TRAF3: variants seen among roughly 807,000 people sequenced by gnomAD.
TRAF3 encodes the protein TNF receptor-associated factor 3.
A neutral mutation model predicts 62.3 loss-of-function variants in TRAF3; 13 were observed. The ratio of observed to expected loss-of-function variants is 0.21; its 90% CI spans 0.14 to 0.33. The LOEUF is 0.33. Among genes scored for constraint, TRAF3 ranks in the 10% least tolerant of loss-of-function variants. The probability of loss-of-function intolerance (pLI) is 1.00; values close to 1 mark genes in which losing one functional copy is unlikely to be tolerated. For missense variants in TRAF3, 440 were observed against 741.8 expected (o/e 0.59, Z 4.73); for synonymous variants, 269 against 283.4 (o/e 0.95, Z 0.51).
intron 1 of TRAF3, among the ~76,000 whole-genome samples, chr14:102,820,191 A>C (rs1298744776): frequency 6.6e-6 from 1 of 152,092 alleles, no homozygotes; most frequent in African/African-American, 2.4e-5. Flanking sequence ...CAGAAGGGGC[A>C]CTGCATTGTG....
intron 9 of TRAF3, among the ~76,000 whole-genome samples, chr14:102,892,279 A>G (rs1299665303): frequency 6.6e-6 from 1 of 152,102 alleles, no homozygotes; most frequent in Non-Finnish European, 1.5e-5. Flanking sequence ...GCTGGTCTCA[A>G]ACTCCCGACC....
intron 2 of TRAF3, among the ~76,000 whole-genome samples, chr14:102,837,102 A>G (rs1886056229): frequency 6.7e-6 from 1 of 149,606 alleles, no homozygotes; most frequent in African/African-American, 2.5e-5. Flanking sequence ...GAGTAGCTAG[A>G]AATTAAGCAA....
At chr14:102,793,326 AT>A (rs1011210028) in intron 1 of TRAF3, among the ~76,000 whole-genome samples, 3 of 149,884 alleles carry the variant, frequency 2.0e-5, no homozygotes, top group Non-Finnish European at 1.5e-5. Flanking sequence ...AGTTTTGTTC[AT>A]TTTTTTTGTA....
chr14:102,876,493 T>C lies in TRAF3; in HGVS notation c.538T>C (p.Cys180Arg). The change falls in exon 6 of 12, where the codon TGC becomes CGC. Residue 180 changes from cysteine to arginine, a missense_variant. Around this residue, in one of 6 missense-constraint regions of TRAF3, gnomAD observed 255 missense variants for 424.1 expected, o/e 0.60. Coordinates refer to ENST00000392745, the MANE Select transcript of TRAF3 (RefSeq NM_145725.3). The part of the protein sequence containing the change: ...CKYREATCSH[C>R]KSQVPMIALQ... ...ATACCGGGAAGCCACATGCAGCCACTGCAAGAGTCAGGTTCCGATGATCGC... is the reference window on the plus strand; with the variant it reads ...ATACCGGGAAGCCACATGCAGCCACCGCAAGAGTCAGGTTCCGATGATCGC... 1 of 1,614,154 alleles carries C rather than the reference T, an allele frequency of 6.2e-7. No homozygotes were observed. The highest frequency in any genetic ancestry group is 8.5e-7 in the Non-Finnish European group (1 of 1,180,000).
At chr14:102,804,584 C>T (rs1004178922) in intron 1 of TRAF3, among the ~76,000 whole-genome samples, 6 of 152,120 alleles carry the variant, frequency 3.9e-5, no homozygotes, top group Non-Finnish European at 8.8e-5. Flanking sequence ...ACCTCCTGGG[C>T]TCAAGTGATC....
intron 9 of TRAF3, among the ~76,000 whole-genome samples, chr14:102,896,091 G>A (rs1244436556): frequency 2.0e-5 from 3 of 152,160 alleles, no homozygotes; most frequent in Non-Finnish European, 4.4e-5. Context: ...ACAGTGTAAT[G>A]TTTTGGTATA....
intron 2 of TRAF3, among the ~76,000 whole-genome samples, chr14:102,833,270 G>A (rs1488756722): frequency 6.6e-6 from 1 of 152,188 alleles, no homozygotes; most frequent in Non-Finnish European, 1.5e-5. Flanking sequence ...CTTGAAGGTG[G>A]TTGGATGATC....
intron 6 of TRAF3, among the ~76,000 whole-genome samples, chr14:102,880,228 C>T (rs1031496940): frequency 2.3e-4 from 35 of 152,154 alleles, no homozygotes; most frequent in African/African-American, 8.2e-4. Flanking sequence ...CCTATAATCC[C>T]AGAACTCTGG....
chr14:102,905,735 C>G lies in TRAF3; in HGVS notation c.1658C>G (p.Thr553Arg). The change falls in exon 12 of 12, where the codon ACA becomes AGA. Residue 553 changes from threonine to arginine, a missense_variant. This residue lies in a region of TRAF3 where 59 missense variants were observed against 120.9 expected (regional missense o/e 0.49). Transcript: ENST00000392745. ...LENGTYIKDD[T>R]IFIKVIVDTS... ...AATGGGACATATATTAAAGATGATA[C>G]AATTTTTATTAAAGTCATAGTGGAT... The G allele has an allele frequency of 6.2e-7, 1 of 1,612,752 alleles. No homozygotes were observed. Among genetic ancestry groups the G allele is most frequent in the Non-Finnish European group, 8.5e-7 (1 of 1,179,290 alleles).
intron 1 of TRAF3, among the ~76,000 whole-genome samples, chr14:102,778,528 C>G (rs1897133119): frequency 6.6e-6 from 1 of 152,156 alleles, no homozygotes. Flanking sequence ...TTGTATTTCA[C>G]GTTTTTCGAA....
intron 2 of TRAF3, among the ~76,000 whole-genome samples, chr14:102,866,350 C>T (rs1303092900): frequency 4.6e-5 from 7 of 152,024 alleles, no homozygotes; most frequent in African/African-American, 1.7e-4. Flanking sequence ...ACCACAACGG[C>T]ACGTGTATAC....
rs1328649408 is a variant in TRAF3, at chr14:102,849,377, T to A, written c.-18+18905T>A. ...GGACTGAGCCCTTGGCTCCTCTCGC[T>A]GCTTCCTGTCCAGATGGCAGGACTC... On this transcript the variant is annotated intron_variant, in intron 2 of 11. Transcript: ENST00000392745. Among the ~76,000 whole-genome samples, 3 of 152,364 alleles carry A rather than the reference T, an allele frequency of 2.0e-5. No individual in the cohort carries two copies. The South Asian group carries it at 6.2e-4, about 32-fold the overall frequency.
intron 2 of TRAF3, among the ~76,000 whole-genome samples, chr14:102,849,148 CATT>C (rs1211557348): frequency 2.0e-5 from 3 of 152,184 alleles, no homozygotes; most frequent in African/African-American, 4.8e-5. Flanking sequence ...TTGATCGAAA[CATT>C]ATAATCTGCT....
At chr14:102,833,215 A>T (rs1885759427) in intron 2 of TRAF3, among the ~76,000 whole-genome samples, 1 of 152,196 alleles carries the variant, frequency 6.6e-6, no homozygotes, top group South Asian at 2.1e-4. Context: ...TGTGGCACTC[A>T]GTACATGTTG....
chr14:102,801,374 C>A (rs1898402223), intron 1 of TRAF3, among the ~76,000 whole-genome samples: 1 of 152,024 alleles, frequency 6.6e-6, no homozygotes, highest in Admixed American at 6.6e-5. Flanking sequence ...TTCTAAAATT[C>A]AAAAAATTCT....
chr14:102,856,349 T>C (rs1407039637), intron 2 of TRAF3, among the ~76,000 whole-genome samples: 1 of 152,104 alleles, frequency 6.6e-6, no homozygotes, highest in Admixed American at 6.6e-5. Context: ...GTGGGCAGTA[T>C]CTGGAACTGA....
chr14:102,779,021 C>T (rs565535275), intron 1 of TRAF3, among the ~76,000 whole-genome samples: 1 of 152,212 alleles, frequency 6.6e-6, no homozygotes. Context: ...GATGAAAATT[C>T]TTTGGCCAAA....
chr14:102,844,419 C>T (rs1886570192), intron 2 of TRAF3, among the ~76,000 whole-genome samples: 1 of 152,184 alleles, frequency 6.6e-6, no homozygotes. Context: ...GGGAGAATCT[C>T]TATAAGTCCC....
At chr14:102,801,091 G>A (rs1045973557) in intron 1 of TRAF3, among the ~76,000 whole-genome samples, 39 of 152,332 alleles carry the variant, frequency 2.6e-4, no homozygotes, top group Non-Finnish European at 5.0e-4. Context: ...GCGTAAACCC[G>A]GAAGGCGGAG....
Sources: gnomAD v4.1 joint callset for allele counts (sites outside exome capture counted in the v4.1 genomes callset) on GRCh38, gnomAD v4.1.1 for gene constraint, gnomAD v4.1.1 regional missense constraint, MANE v1.5 for transcripts, NCBI Gene and HGNC (gene_info 2026-07-23, HGNC 2026-07-21) for gene names.